EPM2A: variants seen among roughly 807,000 people sequenced by gnomAD.
EPM2A encodes the protein EPM2A glucan phosphatase, laforin.
EPM2A carries 21 observed loss-of-function variants against 26.5 expected under a neutral mutation model. The observed-to-expected ratio is 0.79, with a 90% CI of 0.56 to 1.14. The LOEUF (loss-of-function observed/expected upper bound fraction) is 1.14. Ranked by LOEUF, EPM2A falls within the 50% of genes most tolerant of loss-of-function variation. The pLI, the probability that EPM2A is intolerant of heterozygous loss-of-function variation, is 0.00. For missense variants in EPM2A, 458 were observed against 440.8 expected (o/e 1.04, Z -0.35); for synonymous variants, 217 against 177.6 (o/e 1.22, Z -1.76).
At position 145,573,343 on chromosome 6, in the gene EPM2A, G is replaced by C. The variant is rs534105275; in HGVS notation, c.340+61902C>G. On this transcript the variant is annotated intron_variant, in intron 2 of 3. Transcript: ENST00000450221. ...GGTGGGCTTTATGGACAGGAATAGAGAAAAAGGCATTTGCCAAGTCAATGG... is the reference window on the plus strand; with the variant it reads ...GGTGGGCTTTATGGACAGGAATAGACAAAAAGGCATTTGCCAAGTCAATGG... 8.9e-4 allele frequency among the ~76,000 whole-genome samples: 136 copies of C among 152,346 alleles called. 1 individual carries two copies. The highest frequency in any genetic ancestry group is 3.0e-3 in the African/African-American group (126 of 41,594).
At chr6:145,396,026 C>A (rs987526610) in intron 4 of EPM2A, among the ~76,000 whole-genome samples, 5 of 152,188 alleles carry the variant, frequency 3.3e-5, no homozygotes, top group African/African-American at 1.2e-4. Context: ...CCTGTGATTT[C>A]AGCAAGATCT....
chr6:145,414,027 T>C (rs968313961), intron 4 of EPM2A, among the ~76,000 whole-genome samples: 12 of 152,142 alleles, frequency 7.9e-5, no homozygotes, highest in African/African-American at 2.4e-4. Flanking sequence ...TTTACTTGAC[T>C]GGTACTGCCA....
chr6:145,667,406 A>G (rs991335975), intron 2 of EPM2A, among the ~76,000 whole-genome samples: 3 of 145,840 alleles, frequency 2.1e-5, no homozygotes, highest in African/African-American at 8.2e-5. Context: ...CAAAAAACAC[A>G]TGAAAAAATG....
At chr6:145,457,645 T>C (rs1509212) in intron 4 of EPM2A, among the ~76,000 whole-genome samples, 98,608 of 151,900 alleles carry the variant, frequency 0.65, 33,587 homozygotes, top group East Asian at 0.85. Context: ...TAAGACATTC[T>C]AAGAGGCCAA....
chr6:145,583,520 C>A (rs554232299), intron 2 of EPM2A, among the ~76,000 whole-genome samples: 40 of 152,232 alleles, frequency 2.6e-4, no homozygotes, highest in Middle Eastern at 6.8e-3. Flanking sequence ...AGGTTAGAAA[C>A]CTGTTGCACT....
At chr6:145,398,491 A>G (rs1055617192) in intron 4 of EPM2A, among the ~76,000 whole-genome samples, 69 of 152,232 alleles carry the variant, frequency 4.5e-4, no homozygotes, top group African/African-American at 1.6e-3. Context: ...AAATTGTCTC[A>G]AAGTGTTGCC....
chr6:145,729,243 C>G (rs1216815284), intron 1 of EPM2A, among the ~76,000 whole-genome samples: 2 of 152,110 alleles, frequency 1.3e-5, no homozygotes, highest in African/African-American at 4.8e-5. Flanking sequence ...GAGTTGGAGC[C>G]CCCAAACAGA....
At position 145,551,861 on chromosome 6, in the gene EPM2A, C is replaced by CT. The variant is rs11322536; in HGVS notation, c.341-49287dup. Among the ~76,000 whole-genome samples the CT allele has an allele frequency of 1.9e-3, 280 of 145,570 alleles. 3 individuals carry two copies. Among genetic ancestry groups the CT allele is most frequent in the East Asian group, 0.014 (70 of 5,030 alleles). ...AAACATTACGTTTTATGTACTTAAA[C>CT]TTTTTTTTTTTTGTAAAAGAAACTT... On this transcript the variant is annotated intron_variant, in intron 2 of 3. Coordinates refer to the EPM2A transcript ENST00000450221.
Position 145,539,129 on chromosome 6 carries a change from C to T in EPM2A, c.341-36554G>A, listed in dbSNP as rs147353181. ...AAGCATATATAATAAATTCCTTCTA[C>T]ACAAACACAGATCACATCATGCCTC... On this transcript the variant is annotated intron_variant, in intron 2 of 3. Coordinates refer to the EPM2A transcript ENST00000450221. Among the ~76,000 whole-genome samples, 361 of 152,282 alleles carry T rather than the reference C, an allele frequency of 2.4e-3. 5 individuals carry two copies. The highest frequency in any genetic ancestry group is 9.8e-3 in the East Asian group (51 of 5,188).
intron 2 of EPM2A, among the ~76,000 whole-genome samples, chr6:145,663,444 T>C (rs550516397): frequency 1.9e-3 from 283 of 152,310 alleles, no homozygotes; most frequent in African/African-American, 6.3e-3. Context: ...TTGCCTCACC[T>C]GGGAAGCGCA....
At chr6:145,405,079 A>T (rs2328658) in intron 4 of EPM2A, among the ~76,000 whole-genome samples, 140,734 of 152,170 alleles carry the variant, frequency 0.92, 65,196 homozygotes, top group East Asian at 1. Flanking sequence ...TCAGCTCTGC[A>T]CTGATGGCCA....
chr6:145,509,518 C>A (rs1780024281), intron 2 of EPM2A, among the ~76,000 whole-genome samples: 1 of 152,140 alleles, frequency 6.6e-6, no homozygotes, highest in South Asian at 2.1e-4. Context: ...CAAATAAAGT[C>A]TTTCCCAGAC....
At chr6:145,483,708 C>T (rs987030888) in intron 4 of EPM2A, among the ~76,000 whole-genome samples, 2 of 152,130 alleles carry the variant, frequency 1.3e-5, no homozygotes, top group African/African-American at 4.8e-5. Context: ...GATGCCCAAG[C>T]ACATAATTCC....
intron 2 of EPM2A, among the ~76,000 whole-genome samples, chr6:145,673,634 A>G (rs377262452): frequency 1.3e-5 from 2 of 152,192 alleles, no homozygotes; most frequent in African/African-American, 2.4e-5. Context: ...TCCCGTGCCT[A>G]GCTCGGCGGG....
chr6:145,407,332 T>A (rs1288162258), intron 4 of EPM2A, among the ~76,000 whole-genome samples: 1 of 152,196 alleles, frequency 6.6e-6, no homozygotes. Flanking sequence ...CCTGTATTTG[T>A]CATAATATGA....
chr6:145,627,895 G>A lies in EPM2A; in HGVS notation c.719-202C>T, dbSNP rs1775946942. ...ATAGCAAAGTGGAAAGAGCATTCCA[G>A]AGGCCAGAGGCTCTCTCTAATCCTT... On this transcript the variant is annotated intron_variant, in intron 3 of 3. Coordinates refer to ENST00000367519, the MANE Select transcript of EPM2A (RefSeq NM_005670.4). The A allele has an allele frequency of 2.2e-5, 15 of 679,642 alleles. No individual in the cohort carries two copies. The South Asian group carries it at 2.8e-4, about 13-fold the overall frequency. 42.1% of individuals were successfully genotyped at this position (679,642 alleles called of 1,614,324 possible). A position where few individuals can be genotyped will look rare whatever the true frequency, so the allele number is the denominator to read the frequency against.
At chr6:145,439,799 T>C (rs1472361775) in intron 4 of EPM2A, among the ~76,000 whole-genome samples, 1 of 152,236 alleles carries the variant, frequency 6.6e-6, no homozygotes, top group Admixed American at 6.5e-5. Context: ...TTTCATATGC[T>C]GTGCAGAATC....
chr6:145,606,371 T>C (rs1396943179), intron 2 of EPM2A, among the ~76,000 whole-genome samples: 1 of 151,944 alleles, frequency 6.6e-6, no homozygotes, highest in Admixed American at 6.6e-5. Flanking sequence ...AATAAAAAAT[T>C]TATGCTTTTA....
intron 2 of EPM2A, among the ~76,000 whole-genome samples, chr6:145,545,970 T>C (rs1013794578): frequency 1.3e-5 from 2 of 152,186 alleles, no homozygotes; most frequent in South Asian, 2.1e-4. Context: ...TGCCTTCTAA[T>C]TCTCCCTTAT....
Sources: gnomAD v4.1 joint callset for allele counts (sites outside exome capture counted in the v4.1 genomes callset) on GRCh38, gnomAD v4.1.1 for gene constraint, MANE v1.5 for transcripts, NCBI Gene and HGNC (gene_info 2026-07-23, HGNC 2026-07-21) for gene names.